The following SPEG variants were observed in gnomAD, a reference collection of about 807,000 sequenced individuals.
The protein encoded by SPEG is striated muscle preferentially expressed protein kinase.
Under a neutral mutation model 300.4 loss-of-function variants are expected in SPEG, and 114 were observed. That is an observed-to-expected ratio of 0.38 (90% confidence interval 0.33 to 0.44). The LOEUF (loss-of-function observed/expected upper bound fraction) is 0.44, where lower values mean the gene tolerates loss of function less well. Among genes scored for constraint, SPEG ranks in the 20% least tolerant of loss-of-function variants. The pLI is 1.00. For synonymous variants in SPEG, 1,964 were observed against 2,018.9 expected, an observed-to-expected ratio of 0.97 and a Z score of 0.73; for missense variants, 4,201 against 4,586.2, an observed-to-expected ratio of 0.92 and a Z score of 2.43.
chr2:219,466,783 G>A (rs1691400337), intron 9 of SPEG: 2 of 1,013,764 alleles, frequency 2.0e-6, no homozygotes, highest in Admixed American at 5.4e-5. Context: ...CAGGAGCAGG[G>A]GCAGGGGGCC....
Position 219,476,607 on chromosome 2 carries a change from A to T in SPEG, c.4448-263A>T, listed in dbSNP as rs146309509. 3.2e-4 allele frequency among the ~76,000 whole-genome samples: 48 copies of T among 152,108 alleles called. No individual in the cohort carries two copies. The East Asian group carries it at 9.1e-3, about 29-fold the overall frequency. On this transcript the variant is annotated intron_variant, in intron 18 of 40. Transcript: ENST00000312358. Reference sequence around the variant, plus strand: ...CAAATTAATACAGAAGGTCAAACAAAGCAAGCCTGCACCTTGTGCCAGGTT... The same window carrying T: ...CAAATTAATACAGAAGGTCAAACAATGCAAGCCTGCACCTTGTGCCAGGTT...
intron 9 of SPEG, chr2:219,466,178 C>A: frequency 6.7e-7 from 1 of 1,499,786 alleles, no homozygotes; most frequent in Non-Finnish European, 8.9e-7. Context: ...CCAGGCCTGC[C>A]GGCCCGGACC....
At position 219,439,044 on chromosome 2, in the gene SPEG, C is replaced by T. The variant is rs985466446; in HGVS notation, c.388+3679C>T. On this transcript the variant is annotated intron_variant, in intron 1 of 40. Transcript: ENST00000312358. The surrounding 1 kb of genome is among the most constrained non-coding windows in gnomAD (Gnocchi z 4.5). ...TGCATGCCAAGTGCTGACCAGTGAG[C>T]GGAGGAGAGGCCAGAGTGGGAGCAG... Among the ~76,000 whole-genome samples, 18 of 152,074 alleles carry T rather than the reference C, an allele frequency of 1.2e-4. No homozygotes were observed. The highest frequency in any genetic ancestry group is 1.0e-4 in the Non-Finnish European group (7 of 68,022).
chr2:219,448,449 C>A lies in SPEG; in HGVS notation c.1291C>A (p.Arg431Ser). Residue 431 changes from arginine (R) to serine (S), a missense_variant, in exon 4 of 41, where the codon CGC (arginine) becomes AGC (serine). Physicochemically the swap from Arg to Ser is moderately radical, Grantham distance 110 (BLOSUM62 -1). Coordinates refer to ENST00000312358, the MANE Select transcript of SPEG (RefSeq NM_005876.5). ...GCCCCTGCGGCCCTGGGTGCCCCTG[C>A]GCAAGGCCCGCTCTCTGGAGCAGCC... ...PAPLRPWVPL[R>S]KARSLEQPKS... 2 of 1,507,564 alleles carry A rather than the reference C, an allele frequency of 1.3e-6. No individual in the cohort carries two copies. The highest frequency in any genetic ancestry group is 1.8e-6 in the Non-Finnish European group (2 of 1,137,002). The allele number at this position is 1,507,564 out of a possible 1,614,324, so 93.4% of individuals were successfully genotyped here. A position where few individuals can be genotyped will look rare whatever the true frequency, so the allele number is the denominator to read the frequency against.
rs933571684 is a variant in SPEG at position 219,458,133 on chromosome 2, C to T, written c.2441-3749C>T. On this transcript the variant is annotated intron_variant, in intron 6 of 40. Transcript: ENST00000312358. The surrounding 1 kb of genome is among the most constrained non-coding windows in gnomAD (Gnocchi z 4.2). ...CTGGCAGCTGTGCCTGGGGGCCCTC[C>T]TGGACAGTTAGGGGCTGTGTGGACT... 1.3e-5 allele frequency among the ~76,000 whole-genome samples: 2 copies of T among 152,136 alleles called. No individual in the cohort carries two copies. Among genetic ancestry groups the T allele is most frequent in the African/African-American group, 4.8e-5 (2 of 41,444 alleles).
chr2:219,485,238 G>A, intron 30 of SPEG, 108 bp from the exon 31 acceptor site: 1 of 1,504,918 alleles, frequency 6.6e-7, no homozygotes, highest in East Asian at 2.3e-5. Flanking sequence ...TGGCGGCAGG[G>A]CTGGGTGGGC....
At chr2:219,453,506 T>G (rs1247086162) in intron 6 of SPEG, among the ~76,000 whole-genome samples, 2 of 152,228 alleles carry the variant, frequency 1.3e-5, no homozygotes. Context: ...TCTCTGTCCC[T>G]TTCTTCAGCC....
chr2:219,473,505 C>T lies in SPEG; in HGVS notation c.4149C>T (p.Gly1383=). Residue 1383 remains glycine (G), a splice_region_variant and synonymous_variant, in exon 17 of 41, where the codon GGC becomes GGT. Coordinates refer to ENST00000312358, the MANE Select transcript of SPEG (RefSeq NM_005876.5). This position sits in a 1 kb window ranked among gnomAD's most constrained non-coding sequence, Gnocchi z 4.6. ...PSEPVQLLEH[G]PTLEEAPAML... ...GAGCCTGCGCTCTCCTCCTCCCAGG[C>T]CCAACCCTGGAGGAGGCCCCTGCCA... 6.2e-7 allele frequency: 1 copy of T among 1,613,850 alleles called. No homozygotes were observed. Among genetic ancestry groups the T allele is most frequent in the Non-Finnish European group, 8.5e-7 (1 of 1,179,952 alleles).
Position 219,484,500 on chromosome 2 carries a change from C to T in SPEG, c.7037C>T (p.Ser2346Leu). Reference protein sequence around the residue: ...KFKRSRESPLSLGLRLLSRSR... With the variant: ...KFKRSRESPLLLGLRLLSRSR... ...AAGCGCAGCCGCGAGTCGCCCCTGTCGCTGGGGCTGCGGCTGCTGAGCCGT... is the reference window on the plus strand; with the variant it reads ...AAGCGCAGCCGCGAGTCGCCCCTGTTGCTGGGGCTGCGGCTGCTGAGCCGT... The change falls in exon 30 of 41, where the codon TCG becomes TTG. Residue 2346 changes from serine (S) to leucine (L), a missense_variant. Transcript: ENST00000312358. 6.8e-6 allele frequency: 11 copies of T among 1,606,232 alleles called. No individual in the cohort carries two copies. The highest frequency in any genetic ancestry group is 9.3e-6 in the Non-Finnish European group (11 of 1,178,110).
chr2:219,485,030 G>C lies in SPEG; in HGVS notation c.7567G>C (p.Glu2523Gln). 6.5e-7 allele frequency: 1 copy of C among 1,532,132 alleles called. No homozygotes were observed. Among genetic ancestry groups the C allele is most frequent in the South Asian group, 1.2e-5 (1 of 83,880 alleles). The allele number at this position is 1,532,132 out of a possible 1,614,324, so 94.9% of individuals were successfully genotyped here. A position where few individuals can be genotyped will look rare whatever the true frequency, so the allele number is the denominator to read the frequency against. ...GGCCGGCGCCACCACGCCTTCCGCC[G>C]AGTCCCTGGGCTCCGAGGCCAGCGC... ...AQAGATTPSA[E>Q]SLGSEASATS... is the part of the protein sequence containing the mutation. The change falls in exon 30 of 41, where the codon GAG becomes CAG. Residue 2523 changes from glutamate (E) to glutamine (Q), a missense_variant. Physicochemically the swap from Glu to Gln is conservative, Grantham distance 29. Coordinates refer to ENST00000312358, the MANE Select transcript of SPEG (RefSeq NM_005876.5).
intron 14 of SPEG, 61 bp from the exon 15 acceptor site, chr2:219,472,166 G>A (rs952566174): frequency 7.0e-6 from 11 of 1,572,716 alleles, no homozygotes; most frequent in South Asian, 5.7e-5. Context: ...CCTGAGGCTC[G>A]GTGATCCTGT....
chr2:219,461,655 G>A (rs1690707322), intron 6 of SPEG: 2 of 843,256 alleles, frequency 2.4e-6, no homozygotes, highest in Admixed American at 6.5e-5. Context: ...TCCCCTCCTG[G>A]GAGGATCAGC....
chr2:219,448,494 C>T lies in SPEG; in HGVS notation c.1336C>T (p.Pro446Ser). Residue 446 changes from proline (P) to serine (S), a missense_variant, in exon 4 of 41, where the codon CCG becomes TCG. Physicochemically the swap from Pro to Ser is moderately conservative, Grantham distance 74. Transcript: ENST00000312358. Reference sequence around the variant, plus strand: ...GCAGCCCAAGTCGGAGCGCGGCGCACCGTGGGGCACCCCCGGGGCCTCGCA... The same window carrying T: ...GCAGCCCAAGTCGGAGCGCGGCGCATCGTGGGGCACCCCCGGGGCCTCGCA... Reference protein sequence around the residue: ...LEQPKSERGAPWGTPGASQEE... With the variant: ...LEQPKSERGASWGTPGASQEE... 7 of 1,459,294 alleles carry T rather than the reference C, an allele frequency of 4.8e-6. No individual in the cohort carries two copies. The highest frequency in any genetic ancestry group is 6.3e-6 in the Non-Finnish European group (7 of 1,114,912). 90.4% of individuals were successfully genotyped at this position (1,459,294 alleles called of 1,614,324 possible).
chr2:219,473,129 G>A lies in SPEG; in HGVS notation c.4147+33G>A, dbSNP rs371580352. On this transcript the variant is annotated intron_variant, in intron 16 of 40. Coordinates refer to ENST00000312358, the MANE Select transcript of SPEG (RefSeq NM_005876.5). The surrounding 1 kb of genome is among the most constrained non-coding windows in gnomAD (Gnocchi z 4.6). ...TGGGTGCTCCTGTCGGGTGGGGGTG[G>A]GAGCTGCTGGGATGGGGAATGGGGG... 40 of 1,590,598 alleles carry A rather than the reference G, an allele frequency of 2.5e-5. No homozygotes were observed. The highest frequency in any genetic ancestry group is 1.1e-4 in the East Asian group (5 of 44,228).
chr2:219,447,175 G>C (rs2125269839), intron 3 of SPEG, among the ~76,000 whole-genome samples: 1 of 150,520 alleles, frequency 6.6e-6, no homozygotes, highest in Middle Eastern at 3.4e-3. Context: ...CCACTTAGTA[G>C]CTATTTCTGA....
rs1476093637 is a variant in SPEG, at chr2:219,480,842, C to G, written c.5369+145C>G. ...CCTCATGTGCATGAAGGTGGACACC[C>G]CTGTCTGCATGCCCACACTCTGCCT... On this transcript the variant is annotated intron_variant, in intron 26 of 40. Transcript: ENST00000312358. This position sits in a 1 kb window ranked among gnomAD's most constrained non-coding sequence, Gnocchi z 5.3. 1 of 784,742 alleles carries G rather than the reference C, an allele frequency of 1.3e-6. No homozygotes were observed. Among genetic ancestry groups the G allele is most frequent in the East Asian group, 2.6e-5 (1 of 38,786 alleles). 48.6% of individuals were successfully genotyped at this position (784,742 alleles called of 1,614,324 possible).
chr2:219,466,990 C>T (rs1691424692), intron 9 of SPEG, 184 bp from the exon 10 acceptor site: 1 of 1,053,594 alleles, frequency 9.5e-7, no homozygotes, highest in African/African-American at 1.6e-5. Flanking sequence ...GGATTGCCAT[C>T]TCAAAGCCAG....
At chr2:219,470,401 C>G (rs1278402597) in intron 13 of SPEG, among the ~76,000 whole-genome samples, 1 of 152,220 alleles carries the variant, frequency 6.6e-6, no homozygotes, top group Non-Finnish European at 1.5e-5. Context: ...CAACCCCTGC[C>G]CACAGCCTCC....
In SPEG at chr2:219,473,270, C is replaced by A; in HGVS notation, c.4147+174C>A. On this transcript the variant is annotated intron_variant, in intron 16 of 40. Transcript: ENST00000312358. This position sits in a 1 kb window ranked among gnomAD's most constrained non-coding sequence, Gnocchi z 4.6. ...CTTCTCCCTCCTGAAAGCAGCAGGG[C>A]ACGGTGGCTGAAGCTCAGGCTTTGG... 1 of 763,532 alleles carries A rather than the reference C, an allele frequency of 1.3e-6. No individual in the cohort carries two copies. The highest frequency in any genetic ancestry group is 2.1e-6 in the Non-Finnish European group (1 of 479,930). 47.3% of individuals were successfully genotyped at this position (763,532 alleles called of 1,614,324 possible).
Sources: allele counts gnomAD v4.1 joint callset (sites outside exome capture counted in the v4.1 genomes callset), GRCh38; gene constraint gnomAD v4.1.1; non-coding constraint Gnocchi (gnomAD v3.1); transcripts MANE v1.5; gene names NCBI Gene and HGNC (gene_info 2026-07-23, HGNC 2026-07-21).